The following ST7L variants were observed in gnomAD, a reference collection of about 807,000 sequenced individuals.
The protein encoded by ST7L is suppressor of tumorigenicity 7 protein-like.
In ST7L, 57 loss-of-function variants were observed where a neutral mutation model predicts 72.5. The ratio of observed to expected loss-of-function variants is 0.79; its 90% confidence interval spans 0.64 to 0.98. ST7L has a LOEUF of 0.98. Among genes scored for constraint, ST7L ranks in the 50% least tolerant of loss-of-function variants. ST7L has a pLI of 0.00. For missense variants in ST7L, 576 were observed against 672.2 expected, an observed-to-expected ratio of 0.86 and a Z score of 1.58; for synonymous variants, 221 against 240.9, an observed-to-expected ratio of 0.92 and a Z score of 0.77.
At chr1:112,520,339 G>C, downstream of ST7L, 1 of 1,614,192 alleles carries the variant, frequency 6.2e-7, no homozygotes, top group South Asian at 1.1e-5. Context: ...AGACGGTTGT[G>C]AAATCATGTG....
rs1357217220 is a variant in ST7L, at chr1:112,610,980, A to G, written c.312T>C (p.His104=). ...GCTCAATAAAAGATGTGCCATGCTT[A>G]TGGAAGTACCACCATTCAAATATCT... The part of the protein sequence containing the change: ...LIFIFEWWYF[H]KHGTSFIEQV... The change falls in exon 3 of 15, where the codon CAT becomes CAC. Residue 104 remains histidine, a synonymous_variant. Coordinates refer to ENST00000358039, the MANE Select transcript of ST7L (RefSeq NM_017744.5). The G allele has an allele frequency of 6.2e-7, 1 of 1,614,054 alleles. No homozygotes were observed. Among genetic ancestry groups the G allele is most frequent in the African/African-American group, 1.3e-5 (1 of 74,940 alleles).
intron 11 of ST7L, among the ~76,000 whole-genome samples, chr1:112,574,166 C>T (rs1370294090): frequency 6.7e-6 from 1 of 149,328 alleles, no homozygotes; most frequent in Non-Finnish European, 1.5e-5. Context: ...ATCCACCCAC[C>T]TCGGCCTCCC....
intron 11 of ST7L, among the ~76,000 whole-genome samples, chr1:112,575,249 AG>A (rs1662925524): frequency 6.6e-6 from 1 of 152,178 alleles, no homozygotes; most frequent in Non-Finnish European, 1.5e-5. Flanking sequence ...GAAAAATAAA[AG>A]TTTACAGTAC....
chr1:112,557,140 G>A (rs878859835), intron 11 of ST7L, among the ~76,000 whole-genome samples: 2 of 151,630 alleles, frequency 1.3e-5, no homozygotes, highest in Non-Finnish European at 2.9e-5. Flanking sequence ...TATACAATTC[G>A]AGGATTTTTA....
chr1:112,550,543 T>C, intron 13 of ST7L, 58 bp downstream of exon 13: 2 of 1,338,574 alleles, frequency 1.5e-6, no homozygotes, highest in South Asian at 2.5e-5. Flanking sequence ...GAGAATACTA[T>C]GACAAACAAT....
chr1:112,596,816 T>C lies in ST7L; in HGVS notation c.622+1155A>G, dbSNP rs142756380. 8.5e-3 allele frequency among the ~76,000 whole-genome samples: 1,294 copies of C among 152,248 alleles called. 16 individuals carry two copies. Among genetic ancestry groups the C allele is most frequent in the Middle Eastern group, 0.058 (17 of 294 alleles). ...TCATGCCCAGCTAATTTTTATATTT[T>C]TGTAGAGACGGGGTTTTACCATGTT... is the stretch of plus-strand genomic sequence containing the variant. On this transcript the variant is annotated intron_variant, in intron 5 of 14. Coordinates refer to ENST00000358039, the MANE Select transcript of ST7L (RefSeq NM_017744.5).
chr1:112,561,352 A>C (rs1165559466), intron 11 of ST7L, among the ~76,000 whole-genome samples: 1 of 142,992 alleles, frequency 7.0e-6, no homozygotes, highest in Non-Finnish European at 1.5e-5. Flanking sequence ...GGATAGCTGG[A>C]CCTCAGAAGT....
At position 112,551,138 on chromosome 1, in the gene ST7L, CTTTTTTTTTTT is replaced by C. The variant is rs567601091; in HGVS notation, c.1397-456_1397-446del. 1.8e-3 allele frequency among the ~76,000 whole-genome samples: 137 copies of C among 77,232 alleles called. 2 individuals are homozygous for C. Among genetic ancestry groups the C allele is most frequent in the African/African-American group, 8.0e-3 (126 of 15,794 alleles). 50.7% of individuals were successfully genotyped at this position (77,232 alleles called of 152,430 possible). ...TCACCAAAGCTTTCTATGAGCAGAT[CTTTTTTTTTTT>C]TTTTTTTTTTTTTTTTTGAGACAGA... On this transcript the variant is annotated intron_variant, in intron 12 of 14. Transcript: ENST00000358039.
At chr1:112,569,957 C>CAAAAAA (rs750153250) in intron 11 of ST7L, among the ~76,000 whole-genome samples, 1 of 73,352 alleles carries the variant, frequency 1.4e-5, no homozygotes, top group Non-Finnish European at 2.7e-5. Context: ...GATTCTGTCT[C>CAAAAAA]AAAAAAAAAA....
intron 11 of ST7L, chr1:112,570,845 G>C (rs1282361525): frequency 4.5e-6 from 2 of 442,752 alleles, no homozygotes; most frequent in Non-Finnish European, 9.0e-6. Context: ...ATTCAGGTTG[G>C]TGAAGTTTAA....
chr1:112,539,472 A>G (rs1284514427), intron 14 of ST7L, among the ~76,000 whole-genome samples: 1 of 152,136 alleles, frequency 6.6e-6, no homozygotes. Context: ...CCTGGCCAAC[A>G]TGGCAAAACC....
chr1:112,596,975 C>T (rs1666578264), intron 5 of ST7L, among the ~76,000 whole-genome samples: 1 of 152,118 alleles, frequency 6.6e-6, no homozygotes, highest in Non-Finnish European at 1.5e-5. Context: ...TTAATATTTA[C>T]ATTATGCCAG....
chr1:112,600,678 A>G lies in ST7L; in HGVS notation c.506+116T>C, dbSNP rs140575312. 622 of 852,170 alleles carry G rather than the reference A, an allele frequency of 7.3e-4. 6 individuals are homozygous for G. Among genetic ancestry groups the G allele is most frequent in the African/African-American group, 7.2e-3 (416 of 57,882 alleles). 52.8% of individuals were successfully genotyped at this position (852,170 alleles called of 1,614,324 possible). A position where few individuals can be genotyped will look rare whatever the true frequency, so the allele number is the denominator to read the frequency against. On this transcript the variant is annotated intron_variant, in intron 4 of 14. Coordinates refer to ENST00000358039, the MANE Select transcript of ST7L (RefSeq NM_017744.5). ...TGTGGACTAATCATTTTACTTTATCATAGACCAGTATCTTCTACTAGAAGA... is the reference window on the plus strand; with the variant it reads ...TGTGGACTAATCATTTTACTTTATCGTAGACCAGTATCTTCTACTAGAAGA...
intron 11 of ST7L, 141 bp downstream of exon 11, chr1:112,576,845 T>C: frequency 3.7e-6 from 2 of 544,116 alleles, no homozygotes; most frequent in Non-Finnish European, 6.4e-6. Context: ...ACGTCCCCTG[T>C]AAGGTGAATA....
chr1:112,535,007 GA>G (rs1263343154), intron 14 of ST7L, among the ~76,000 whole-genome samples: 2 of 152,064 alleles, frequency 1.3e-5, no homozygotes, highest in African/African-American at 4.8e-5. Flanking sequence ...ATGTTAATGG[GA>G]AAAAAGGATA....
At chr1:112,566,424 A>C (rs1661061704) in intron 11 of ST7L, among the ~76,000 whole-genome samples, 1 of 150,678 alleles carries the variant, frequency 6.6e-6, no homozygotes, top group Non-Finnish European at 1.5e-5. Context: ...CAGCCTCCCA[A>C]GTAGCTGGGA....
chr1:112,564,647 C>T (rs150110353), intron 11 of ST7L, among the ~76,000 whole-genome samples: 3,059 of 151,722 alleles, frequency 0.02, 104 homozygotes, highest in African/African-American at 0.069. Context: ...TGAAACCCTG[C>T]CTCTACTAAA....
chr1:112,548,728 C>G (rs1657580607), intron 13 of ST7L, among the ~76,000 whole-genome samples: 1 of 152,126 alleles, frequency 6.6e-6, no homozygotes, highest in South Asian at 2.1e-4. Context: ...TCAGCTAAAT[C>G]ATAAAAAGAG....
At chr1:112,570,702 T>C (rs1471097788) in intron 11 of ST7L, 1 of 455,590 alleles carries the variant, frequency 2.2e-6, no homozygotes, top group South Asian at 1.6e-5. Flanking sequence ...CAGTCAGGAA[T>C]AGAGACCATA....
Sources: allele counts gnomAD v4.1 joint callset (sites outside exome capture counted in the v4.1 genomes callset), GRCh38; gene constraint gnomAD v4.1.1; transcripts MANE v1.5; gene names NCBI Gene and HGNC (gene_info 2026-07-23, HGNC 2026-07-21).